CDH11: variants seen among roughly 807,000 people sequenced by gnomAD.
The protein encoded by CDH11 is cadherin-11.
A neutral mutation model predicts 67.8 loss-of-function variants in CDH11; 11 were observed. That is an observed-to-expected ratio of 0.16 (90% CI 0.10 to 0.27). The LOEUF (loss-of-function observed/expected upper bound fraction) is 0.27. Ranked by LOEUF, CDH11 falls within the 10% of genes least tolerant of loss-of-function variation. The pLI, the probability that CDH11 is intolerant of heterozygous loss-of-function variation, is 1.00. For synonymous variants in CDH11, 419 were observed against 400.0 expected (o/e 1.05, Z -0.57); for missense variants, 847 against 1,031.2 (o/e 0.82, Z 2.45).
At chr16:65,002,718 C>T (rs75568815) in intron 3 of CDH11, among the ~76,000 whole-genome samples, 7,600 of 152,178 alleles carry the variant, frequency 0.05, 274 homozygotes, top group Non-Finnish European at 0.07. Flanking sequence ...AAGATAACTT[C>T]GTAGAAATCA....
At chr16:64,983,766 G>A (rs1331691269) in intron 7 of CDH11, among the ~76,000 whole-genome samples, 1 of 152,166 alleles carries the variant, frequency 6.6e-6, no homozygotes, top group African/African-American at 2.4e-5. Flanking sequence ...AGAAAGGAAT[G>A]ATATTTATAG....
intron 11 of CDH11, among the ~76,000 whole-genome samples, chr16:64,970,394 C>T (rs1185338575): frequency 6.6e-6 from 1 of 152,116 alleles, no homozygotes; most frequent in Admixed American, 6.5e-5. Flanking sequence ...AGCATCTGGC[C>T]TCTGAGAGCC....
At chr16:65,041,767 C>T (rs2073872220) in intron 2 of CDH11, among the ~76,000 whole-genome samples, 1 of 152,176 alleles carries the variant, frequency 6.6e-6, no homozygotes, top group African/African-American at 2.4e-5. Flanking sequence ...CCCAATTTTC[C>T]AGAGTATTAC....
At chr16:65,004,599 A>G (rs2073004613) in intron 3 of CDH11, 43 bp downstream of exon 3, 1 of 1,575,586 alleles carries the variant, frequency 6.3e-7, no homozygotes, top group Non-Finnish European at 8.6e-7. Flanking sequence ...GACTATTCCA[A>G]TGGTGGGTTG....
intron 3 of CDH11, among the ~76,000 whole-genome samples, chr16:64,999,816 T>G (rs565360905): frequency 4.6e-5 from 7 of 152,324 alleles, no homozygotes; most frequent in Admixed American, 3.9e-4. Context: ...ATTACACACA[T>G]GAGCCACCAT....
At chr16:65,118,030 C>G (rs1288797746) in intron 1 of CDH11, among the ~76,000 whole-genome samples, 1 of 152,196 alleles carries the variant, frequency 6.6e-6, no homozygotes, top group African/African-American at 2.4e-5. Context: ...CGAGCAGTAG[C>G]TTGAACCACA....
intron 1 of CDH11, among the ~76,000 whole-genome samples, chr16:65,064,607 T>C (rs1485237877): frequency 1.3e-5 from 2 of 152,174 alleles, no homozygotes; most frequent in Non-Finnish European, 2.9e-5. Flanking sequence ...AAAGTCTCTG[T>C]TTGCAGTGAT....
At chr16:64,971,740 G>T in intron 10 of CDH11, 44 bp from the exon 11 acceptor site, 1 of 1,446,336 alleles carries the variant, frequency 6.9e-7, no homozygotes, top group Non-Finnish European at 9.7e-7. Context: ...GCTGACATTG[G>T]CACATCATTT....
chr16:65,087,923 GT>G (rs757733781), intron 1 of CDH11, among the ~76,000 whole-genome samples: 7 of 152,152 alleles, frequency 4.6e-5, no homozygotes, highest in African/African-American at 9.7e-5. Flanking sequence ...TCGTGGAAAT[GT>G]AGAGGTGCAA....
chr16:65,101,360 T>C (rs73574219), intron 1 of CDH11, among the ~76,000 whole-genome samples: 94 of 152,318 alleles, frequency 6.2e-4, no homozygotes, highest in African/African-American at 2.1e-3. Context: ...CCTGTGATGC[T>C]AGTCAAACTC....
intron 1 of CDH11, among the ~76,000 whole-genome samples, chr16:65,086,191 G>A (rs1485937699): frequency 6.6e-6 from 1 of 152,210 alleles, no homozygotes; most frequent in South Asian, 2.1e-4. Context: ...GCTAACAACT[G>A]TCTAGCCCTT....
At chr16:64,963,589 C>T (rs546250164) in intron 11 of CDH11, among the ~76,000 whole-genome samples, 1 of 152,136 alleles carries the variant, frequency 6.6e-6, no homozygotes, top group Non-Finnish European at 1.5e-5. Flanking sequence ...ACCACAGATG[C>T]AGAAAGCTCA....
Position 64,945,489 on chromosome 16 carries a change from T to C in CDH11, c.*2114A>G. 1.9e-6 allele frequency: 2 copies of C among 1,034,390 alleles called. No individual in the cohort carries two copies. Among genetic ancestry groups the C allele is most frequent in the Non-Finnish European group, 2.3e-6 (2 of 859,344 alleles). The allele number at this position is 1,034,390 out of a possible 1,614,324, so 64.1% of individuals were successfully genotyped here. On this transcript the variant is annotated 3_prime_UTR_variant, in exon 13 of 13. Transcript: ENST00000268603. ...ACTTACAGCTGTATACTTATTTAAATGCTATTCATATTCCTTTTGAGTTAT... is the reference window on the plus strand; with the variant it reads ...ACTTACAGCTGTATACTTATTTAAACGCTATTCATATTCCTTTTGAGTTAT...
chr16:65,036,869 G>A (rs1379818263), intron 2 of CDH11, among the ~76,000 whole-genome samples: 9 of 152,118 alleles, frequency 5.9e-5, no homozygotes, highest in Admixed American at 3.3e-4. Context: ...TTGACTCTCT[G>A]CCTGAAATAA....
At chr16:64,995,187 C>T (rs545932267) in intron 4 of CDH11, among the ~76,000 whole-genome samples, 5 of 152,092 alleles carry the variant, frequency 3.3e-5, no homozygotes, top group African/African-American at 9.6e-5. Flanking sequence ...TGATTCAATG[C>T]TATTTCTATC....
In CDH11 at chr16:64,945,037, A is replaced by T; in HGVS notation, c.*2566T>A. ...TATAAAATAAGATTTTGATGAATTA[A>T]TGAATGAATCAATGAATGAATGATG... On this transcript the variant is annotated 3_prime_UTR_variant, in exon 13 of 13. Transcript: ENST00000268603. The T allele has an allele frequency of 4.8e-6, 1 of 207,928 alleles. No homozygotes were observed. The highest frequency in any genetic ancestry group is 9.8e-6 in the Non-Finnish European group (1 of 102,018). 12.9% of individuals were successfully genotyped at this position (207,928 alleles called of 1,614,324 possible). A position where few individuals can be genotyped will look rare whatever the true frequency, so the allele number is the denominator to read the frequency against.
chr16:65,049,508 T>A (rs1266501092), intron 2 of CDH11, among the ~76,000 whole-genome samples: 1 of 152,110 alleles, frequency 6.6e-6, no homozygotes, highest in Non-Finnish European at 1.5e-5. Context: ...TCAAACAAGA[T>A]AATAAATGTA....
intron 3 of CDH11, among the ~76,000 whole-genome samples, chr16:64,999,595 A>G (rs1489709912): frequency 2.0e-5 from 3 of 151,904 alleles, no homozygotes; most frequent in African/African-American, 7.3e-5. Flanking sequence ...GCGCAATGGC[A>G]TGATCTCGGC....
Position 64,943,994 on chromosome 16 carries a change from C to T in CDH11, c.*3609G>A, listed in dbSNP as rs950221350. 3 of 231,522 alleles carry T rather than the reference C, an allele frequency of 1.3e-5. No individual in the cohort carries two copies. Among genetic ancestry groups the T allele is most frequent in the East Asian group, 1.2e-4 (2 of 16,418 alleles). The allele number at this position is 231,522 out of a possible 1,614,324, so 14.3% of individuals were successfully genotyped here. On this transcript the variant is annotated 3_prime_UTR_variant, in exon 13 of 13. Coordinates refer to ENST00000268603, the MANE Select transcript of CDH11 (RefSeq NM_001797.4). ...TGACCTGCTTTCCATGGAAAAGGAA[C>T]GTGTTTTTTTTTGTATCAGGAACCG...
Sources: allele counts gnomAD v4.1 joint callset (sites outside exome capture counted in the v4.1 genomes callset), GRCh38; gene constraint gnomAD v4.1.1; transcripts MANE v1.5; gene names NCBI Gene and HGNC (gene_info 2026-07-23, HGNC 2026-07-21).